The following RARB variants were observed in gnomAD, a reference collection of about 807,000 sequenced individuals.
RARB encodes HBV-activated protein.
In RARB, 17 loss-of-function variants were observed where a neutral mutation model predicts 51.9. The ratio of observed to expected loss-of-function variants is 0.33; its 90% CI spans 0.22 to 0.49. RARB has a LOEUF of 0.49. Ranked by LOEUF, RARB falls within the 20% of genes least tolerant of loss-of-function variation. The probability of loss-of-function intolerance (pLI) is 0.99; values close to 1 mark genes in which losing one functional copy is unlikely to be tolerated. For synonymous variants in RARB, 215 were observed against 195.4 expected (o/e 1.10, Z -0.84); for missense variants, 369 against 550.8 (o/e 0.67, Z 3.30).
intron 2 of RARB, among the ~76,000 whole-genome samples, chr3:24,993,605 A>G (rs544039691): frequency 1.2e-3 from 178 of 152,222 alleles, no homozygotes; most frequent in African/African-American, 4.1e-3. Context: ...AGAATACTGG[A>G]ATTTGTTCTA....
intron 2 of RARB, among the ~76,000 whole-genome samples, chr3:24,901,041 A>G (rs892790526): frequency 2.6e-5 from 4 of 152,208 alleles, no homozygotes; most frequent in Non-Finnish European, 5.9e-5. Context: ...TCCCTCCACT[A>G]GTGGAAATTT....
At chr3:24,870,076 C>G (rs1341111832) in intron 2 of RARB, among the ~76,000 whole-genome samples, 1 of 151,976 alleles carries the variant, frequency 6.6e-6, no homozygotes, top group Non-Finnish European at 1.5e-5. Context: ...CTGTTGATTT[C>G]TAAAAGTTCT....
chr3:25,548,312 C>A (rs1699703761), intron 3 of RARB, among the ~76,000 whole-genome samples: 1 of 152,088 alleles, frequency 6.6e-6, no homozygotes, highest in East Asian at 1.9e-4. Flanking sequence ...AATGGATACC[C>A]TGATTGATTA....
chr3:24,959,461 T>A (rs1696091096), intron 2 of RARB, among the ~76,000 whole-genome samples: 1 of 152,062 alleles, frequency 6.6e-6, no homozygotes, highest in Admixed American at 6.6e-5. Flanking sequence ...CTTCTCCCCT[T>A]CTCTGCTCTC....
intron 4 of RARB, among the ~76,000 whole-genome samples, chr3:25,160,347 C>A (rs1403892451): frequency 6.6e-6 from 1 of 152,162 alleles, no homozygotes; most frequent in Non-Finnish European, 1.5e-5. Context: ...TGCACTCTTG[C>A]CTTACCTCTT....
intron 2 of RARB, among the ~76,000 whole-genome samples, chr3:25,495,858 C>T (rs1697000142): frequency 6.6e-6 from 1 of 152,166 alleles, no homozygotes; most frequent in Non-Finnish European, 1.5e-5. Flanking sequence ...GATTAAGCAA[C>T]AGAATTCATT....
chr3:25,557,740 A>G (rs530195545), intron 3 of RARB, among the ~76,000 whole-genome samples: 39 of 152,254 alleles, frequency 2.6e-4, no homozygotes, highest in African/African-American at 7.9e-4. Context: ...TTCACCATGA[A>G]CAGTGACTCG....
chr3:24,906,650 C>T (rs1193523728), intron 2 of RARB, among the ~76,000 whole-genome samples: 1 of 151,944 alleles, frequency 6.6e-6, no homozygotes, highest in Admixed American at 6.6e-5. Flanking sequence ...CGAGACCAGC[C>T]TGGCTAACAT....
At chr3:24,929,080 A>C (rs1695387632) in intron 2 of RARB, among the ~76,000 whole-genome samples, 1 of 152,114 alleles carries the variant, frequency 6.6e-6, no homozygotes, top group Non-Finnish European at 1.5e-5. Context: ...AAAAGTAATG[A>C]TATAATGATA....
intron 3 of RARB, among the ~76,000 whole-genome samples, chr3:25,117,471 A>G (rs776680786): frequency 1.8e-4 from 27 of 152,216 alleles, no homozygotes; most frequent in Non-Finnish European, 3.1e-4. Context: ...CCAATTTACC[A>G]GGGACATGTA....
chr3:25,295,935 A>G (rs1703905424), intron 5 of RARB, among the ~76,000 whole-genome samples: 1 of 152,172 alleles, frequency 6.6e-6, no homozygotes, highest in African/African-American at 2.4e-5. Flanking sequence ...GAGATGGAGG[A>G]TTTATTTAGA....
At chr3:25,335,035 C>G (rs528577523) in intron 5 of RARB, among the ~76,000 whole-genome samples, 1 of 152,200 alleles carries the variant, frequency 6.6e-6, no homozygotes, top group African/African-American at 2.4e-5. Flanking sequence ...AGCATGGGCT[C>G]TGGTGTTAGG....
chr3:25,510,634 A>C (rs1034769358), intron 3 of RARB, among the ~76,000 whole-genome samples: 5 of 152,322 alleles, frequency 3.3e-5, no homozygotes, highest in African/African-American at 1.2e-4. Context: ...TCAAAAAAAA[A>C]ATCTATAATT....
intron 2 of RARB, among the ~76,000 whole-genome samples, chr3:24,937,899 A>T (rs973064954): frequency 6.6e-6 from 1 of 152,206 alleles, no homozygotes; most frequent in Non-Finnish European, 1.5e-5. Flanking sequence ...AAAAATCTAG[A>T]AACAGGGTGT....
chr3:25,200,611 T>A (rs1701364990), intron 5 of RARB, among the ~76,000 whole-genome samples: 1 of 152,322 alleles, frequency 6.6e-6, no homozygotes, highest in Admixed American at 6.5e-5. Context: ...CTTGAATTAA[T>A]TTTTGTACAA....
At chr3:24,936,051 G>T (rs1204196681) in intron 2 of RARB, among the ~76,000 whole-genome samples, 2 of 152,118 alleles carry the variant, frequency 1.3e-5, no homozygotes, top group Non-Finnish European at 2.9e-5. Context: ...AGTTGCTGAG[G>T]ATCCAAAACA....
chr3:25,345,733 G>T (rs947442825), intron 5 of RARB, among the ~76,000 whole-genome samples: 1 of 150,574 alleles, frequency 6.6e-6, no homozygotes, highest in Admixed American at 6.6e-5. Context: ...AAGCTAAAAA[G>T]ATATTGTTAA....
chr3:25,303,134 A>T (rs375636249), intron 5 of RARB, among the ~76,000 whole-genome samples: 2 of 152,040 alleles, frequency 1.3e-5, no homozygotes, highest in Non-Finnish European at 2.9e-5. Flanking sequence ...TATACAGACA[A>T]CCTCTTGACA....
intron 3 of RARB, among the ~76,000 whole-genome samples, chr3:25,526,295 C>T (rs1045561962): frequency 2.0e-5 from 3 of 152,108 alleles, no homozygotes; most frequent in Non-Finnish European, 4.4e-5. Context: ...AAGAGGAAGC[C>T]AAAGGGTGGT....
Sources: gnomAD v4.1 joint callset for allele counts (sites outside exome capture counted in the v4.1 genomes callset) on GRCh38, gnomAD v4.1.1 for gene constraint, MANE v1.5 for transcripts, NCBI Gene and HGNC (gene_info 2026-07-23, HGNC 2026-07-21) for gene names.